The following SPTB variants were observed in gnomAD, a reference collection of about 807,000 sequenced individuals.
SPTB encodes the protein spectrin beta, erythrocytic, also known as spectrin beta chain, erythrocytic.
Under a neutral mutation model 256.2 loss-of-function variants are expected in SPTB, and 45 were observed. The observed-to-expected ratio is 0.18, with a 90% CI of 0.14 to 0.23. The LOEUF is 0.23. Ranked by LOEUF, SPTB falls within the 10% of genes least tolerant of loss-of-function variation. The pLI, the probability that SPTB is intolerant of heterozygous loss-of-function variation, is 1.00. For synonymous variants in SPTB, 1,231 were observed against 1,243.1 expected (o/e 0.99, Z 0.21); for missense variants, 2,715 against 3,040.4 (o/e 0.89, Z 2.52).
chr14:64,856,110 G>A (rs1057032125), intron 1 of SPTB, among the ~76,000 whole-genome samples: 4 of 152,260 alleles, frequency 2.6e-5, no homozygotes, highest in African/African-American at 9.6e-5. Flanking sequence ...AAGAAAAAGT[G>A]GAGGTTTCAG....
chr14:64,763,017 A>G (rs532957884), intron 32 of SPTB, among the ~76,000 whole-genome samples: 1 of 152,354 alleles, frequency 6.6e-6, no homozygotes, highest in East Asian at 1.9e-4. Context: ...AACCAGAATC[A>G]GGCACAGTGG....
chr14:64,854,136 G>A (rs1373624675), intron 1 of SPTB, among the ~76,000 whole-genome samples: 2 of 151,380 alleles, frequency 1.3e-5, no homozygotes, highest in African/African-American at 4.9e-5. Context: ...AAGTTGCAGT[G>A]AGCCAAGATC....
rs2082411381 is a variant in SPTB, at chr14:64,778,864, C to T, written c.4563+293G>A. Among the ~76,000 whole-genome samples the T allele has an allele frequency of 6.6e-6, 1 of 152,118 alleles. No individual in the cohort carries two copies. Among genetic ancestry groups the T allele is most frequent in the African/African-American group, 2.4e-5 (1 of 41,416 alleles). On this transcript the variant is annotated intron_variant, in intron 22 of 35. Transcript: ENST00000644917. This position sits in a 1 kb window ranked among gnomAD's most constrained non-coding sequence, Gnocchi z 5.2. Reference sequence around the variant, plus strand: ...ACAGCTACTGAAGCACATCAACCTCCAGGCCAGGCCCCCGAGATCCTGCAT... The same window carrying T: ...ACAGCTACTGAAGCACATCAACCTCTAGGCCAGGCCCCCGAGATCCTGCAT...
intron 9 of SPTB, among the ~76,000 whole-genome samples, chr14:64,798,370 G>C (rs190779145): frequency 5.9e-5 from 9 of 152,326 alleles, no homozygotes; most frequent in Admixed American, 1.3e-4. Context: ...CTACAGGCCA[G>C]ATGCTTCCCA....
Position 64,803,596 on chromosome 14 carries a change from C to A in SPTB, c.474+11G>T. The A allele has an allele frequency of 6.2e-7, 1 of 1,614,074 alleles. No individual in the cohort carries two copies. Among genetic ancestry groups the A allele is most frequent in the Non-Finnish European group, 8.5e-7 (1 of 1,180,038 alleles). On this transcript the variant is annotated intron_variant, in intron 4 of 35. Coordinates refer to ENST00000644917, the MANE Select transcript of SPTB (RefSeq NM_001355436.2). The stretch of plus-strand genomic sequence containing the variant: ...GGCTCCCTCGACTTCCTCTACCCCC[C>A]AGGAACCCACCTGGAAGCGGAGGAT...
At chr14:64,878,761 G>C (rs1424960295) in intron 1 of SPTB, among the ~76,000 whole-genome samples, 1 of 152,102 alleles carries the variant, frequency 6.6e-6, no homozygotes, top group Non-Finnish European at 1.5e-5. Context: ...GTACAAAAAG[G>C]CTGTCACTAT....
intron 2 of SPTB, among the ~76,000 whole-genome samples, chr14:64,815,052 T>G (rs199821483): frequency 7.3e-6 from 1 of 136,564 alleles, no homozygotes. Flanking sequence ...GTTTTGGGAG[T>G]GGGGGTGAGA....
At chr14:64,864,138 T>G (rs1021034535) in intron 1 of SPTB, among the ~76,000 whole-genome samples, 12 of 152,120 alleles carry the variant, frequency 7.9e-5, no homozygotes, top group Admixed American at 3.3e-4. Flanking sequence ...AGAAGGAGCA[T>G]AAGATATTAC....
chr14:64,803,607 C>T lies in SPTB; in HGVS notation c.474G>A (p.Gln158=). ...GLIWTIILRF[Q]IQDIVVQTQE... ...CTTCCTCTACCCCCCAGGAACCCAC[C>T]TGGAAGCGGAGGATGATGGTCCAGA... is the stretch of plus-strand genomic sequence containing the variant. The change falls in exon 4 of 36, where the codon CAG becomes CAA. Residue 158 remains glutamine (Q), a splice_region_variant and synonymous_variant. Coordinates refer to ENST00000644917, the MANE Select transcript of SPTB (RefSeq NM_001355436.2). 4 of 1,614,194 alleles carry T rather than the reference C, an allele frequency of 2.5e-6. No homozygotes were observed. Among genetic ancestry groups the T allele is most frequent in the Non-Finnish European group, 3.4e-6 (4 of 1,180,048 alleles).
intron 1 of SPTB, among the ~76,000 whole-genome samples, chr14:64,874,477 G>A (rs920511919): frequency 2.0e-5 from 3 of 152,020 alleles, no homozygotes; most frequent in Admixed American, 6.5e-5. Context: ...ATTCTCTCTC[G>A]GGCCTTTCTA....
chr14:64,774,167 T>A (rs568940195), intron 24 of SPTB, among the ~76,000 whole-genome samples: 1 of 152,338 alleles, frequency 6.6e-6, no homozygotes, highest in African/African-American at 2.4e-5. Flanking sequence ...TAACCCCTTC[T>A]CTGATCATTT....
intron 1 of SPTB, among the ~76,000 whole-genome samples, chr14:64,863,020 G>C (rs943768944): frequency 4.6e-5 from 7 of 152,130 alleles, no homozygotes; most frequent in African/African-American, 1.7e-4. Flanking sequence ...TGACTTCTCA[G>C]AAGCTCTTGA....
chr14:64,869,351 T>C (rs1882381207), intron 1 of SPTB, among the ~76,000 whole-genome samples: 1 of 152,210 alleles, frequency 6.6e-6, no homozygotes, highest in Non-Finnish European at 1.5e-5. Context: ...TTACGTGTAA[T>C]TTCAAACATT....
At chr14:64,788,893 C>T (rs183669115) in intron 15 of SPTB, among the ~76,000 whole-genome samples, 13 of 152,324 alleles carry the variant, frequency 8.5e-5, no homozygotes, top group East Asian at 3.9e-4. Flanking sequence ...GGAAAGCATA[C>T]GGTGAAAGAT....
At chr14:64,854,243 C>T (rs962083669) in intron 1 of SPTB, among the ~76,000 whole-genome samples, 5 of 148,674 alleles carry the variant, frequency 3.4e-5, no homozygotes, top group African/African-American at 9.9e-5. Context: ...ACCTTATCAC[C>T]GGGCAAAAAC....
At chr14:64,855,511 A>G (rs1306303822) in intron 1 of SPTB, among the ~76,000 whole-genome samples, 1 of 144,068 alleles carries the variant, frequency 6.9e-6, no homozygotes, top group African/African-American at 2.6e-5. Context: ...TTTTTTTATT[A>G]TTATTATTAT....
rs2082072247 is a variant in SPTB, at chr14:64,760,168, G to A, written c.6346-6375C>T. Reference sequence around the variant, plus strand: ...GCCATCTCTGGGTCTTTGCAGTCTTGCAAAGTCAAGCAGGAGTCTGTGTAA... The same window carrying A: ...GCCATCTCTGGGTCTTTGCAGTCTTACAAAGTCAAGCAGGAGTCTGTGTAA... On this transcript the variant is annotated intron_variant, in intron 32 of 35. Transcript: ENST00000644917. This position sits in a 1 kb window ranked among gnomAD's most constrained non-coding sequence, Gnocchi z 4.3. Among the ~76,000 whole-genome samples the A allele has an allele frequency of 6.6e-6, 1 of 152,098 alleles. No homozygotes were observed. The highest frequency in any genetic ancestry group is 2.1e-4 in the South Asian group (1 of 4,818).
chr14:64,788,413 A>G (rs1043328646), intron 15 of SPTB, among the ~76,000 whole-genome samples: 1 of 152,180 alleles, frequency 6.6e-6, no homozygotes, highest in African/African-American at 2.4e-5. Flanking sequence ...GCAGAGAGAT[A>G]TAAGAGACAG....
At chr14:64,769,483 G>A (rs1251650241) in intron 28 of SPTB, 107 bp downstream of exon 28, 4 of 1,447,784 alleles carry the variant, frequency 2.8e-6, no homozygotes, top group Non-Finnish European at 3.8e-6. Context: ...AGCAAGACAA[G>A]CTCCTCAGAA....
Sources: gnomAD v4.1 joint callset for allele counts (sites outside exome capture counted in the v4.1 genomes callset) on GRCh38, gnomAD v4.1.1 for gene constraint, Gnocchi (gnomAD v3.1) non-coding constraint, MANE v1.5 for transcripts, NCBI Gene and HGNC (gene_info 2026-07-23, HGNC 2026-07-21) for gene names.